PPEF1: variants seen among roughly 807,000 people sequenced by gnomAD.
PPEF1 encodes the protein protein phosphatase with EF-hand domain 1, also known as serine/threonine-protein phosphatase with EF-hands 1.
In PPEF1, 12 loss-of-function variants were observed where a neutral mutation model predicts 53.3. That is an observed-to-expected ratio of 0.23 (90% CI 0.14 to 0.36). The LOEUF (loss-of-function observed/expected upper bound fraction) is 0.36. Among genes scored for constraint, PPEF1 ranks in the 10% least tolerant of loss-of-function variants. The pLI is 1.00. For synonymous variants in PPEF1, 165 were observed against 176.7 expected, an observed-to-expected ratio of 0.93 and a Z score of 0.52; for missense variants, 334 against 490.4, an observed-to-expected ratio of 0.68 and a Z score of 3.01.
chrX:18,748,871 C>A (rs2045381849), intron 3 of PPEF1, among the ~76,000 whole-genome samples: 1 of 112,014 alleles, frequency 8.9e-6, no homozygotes, highest in Non-Finnish European at 1.9e-5. Context: ...GCACTTCCAT[C>A]ACATTCTTTA....
intron 3 of PPEF1, among the ~76,000 whole-genome samples, chrX:18,686,555 G>A (rs1276250840): frequency 9.0e-6 from 1 of 111,222 alleles, no homozygotes; most frequent in African/African-American, 3.3e-5. Flanking sequence ...GAGTGGGCTC[G>A]GATAATTGGC....
At chrX:18,823,524 G>A (rs113628133) in intron 13 of PPEF1, among the ~76,000 whole-genome samples, 3,052 of 109,829 alleles carry the variant, frequency 0.028, 113 homozygotes, top group African/African-American at 0.093. Context: ...ATACTTGGGA[G>A]GCTGAGGCAG....
chrX:18,689,657 C>T (rs1191064226), intron 3 of PPEF1, among the ~76,000 whole-genome samples: 1 of 109,712 alleles, frequency 9.1e-6, no homozygotes, highest in African/African-American at 3.3e-5. Flanking sequence ...GTGATTGGGC[C>T]CGGGAATCTG....
intron 6 of PPEF1, among the ~76,000 whole-genome samples, chrX:18,776,527 G>A (rs1365129215): frequency 9.0e-6 from 1 of 111,643 alleles, no homozygotes; most frequent in Admixed American, 9.5e-5. Flanking sequence ...GTGAGCCATC[G>A]TGCCCAGACT....
At chrX:18,704,745 A>G (rs2044160624), upstream of PPEF1, among the ~76,000 whole-genome samples, 1 of 111,614 alleles carries the variant, frequency 9.0e-6, no homozygotes, top group Admixed American at 9.6e-5. Flanking sequence ...GAATCTGGAA[A>G]ACTGAAAAAA....
intron 4 of PPEF1, among the ~76,000 whole-genome samples, chrX:18,756,379 C>T (rs895376714): frequency 1.8e-5 from 2 of 110,809 alleles, no homozygotes; most frequent in African/African-American, 6.6e-5. Context: ...GGGGTTTCAC[C>T]ATGTTAGCCA....
intron 5 of PPEF1, among the ~76,000 whole-genome samples, chrX:18,760,905 C>T (rs763006075): frequency 2.7e-5 from 3 of 109,612 alleles, no homozygotes; most frequent in Non-Finnish European, 5.7e-5. Flanking sequence ...TCAGCCCCCA[C>T]AAGTAGCTGG....
chrX:18,682,289 C>T (rs1043307338), upstream of PPEF1, among the ~76,000 whole-genome samples: 4 of 112,658 alleles, frequency 3.6e-5, no homozygotes, highest in African/African-American at 1.3e-4. Flanking sequence ...TGGGAGCCCT[C>T]CACGTCTTCA....
Position 18,712,909 on chromosome X carries a change from A to G in PPEF1, c.46+5083A>G, listed in dbSNP as rs2044360225. Among the ~76,000 whole-genome samples, 4 of 112,165 alleles carry G rather than the reference A, an allele frequency of 3.6e-5. No homozygotes were observed. The South Asian group carries it at 1.5e-3, about 41-fold the overall frequency. ...TCCTTTATTTTATGATATGGCATAT[A>G]ATGTTAATTAAATGGCACATTATGT... On this transcript the variant is annotated intron_variant, in intron 1 of 15. Transcript: ENST00000470157.
At chrX:18,732,994 A>C (rs2044873854) in intron 2 of PPEF1, among the ~76,000 whole-genome samples, 1 of 111,951 alleles carries the variant, frequency 8.9e-6, no homozygotes, top group Non-Finnish European at 1.9e-5. Flanking sequence ...ACCTGAGGTC[A>C]GGAGTTTGAG....
intron 3 of PPEF1, among the ~76,000 whole-genome samples, chrX:18,739,912 G>T (rs1201602496): frequency 8.9e-6 from 1 of 112,421 alleles, no homozygotes; most frequent in Non-Finnish European, 1.9e-5. Context: ...GCGAGGCTCC[G>T]TGGGCGTGGG....
chrX:18,790,887 T>C (rs1191319387), intron 10 of PPEF1, among the ~76,000 whole-genome samples: 1 of 109,935 alleles, frequency 9.1e-6, no homozygotes, highest in East Asian at 2.9e-4. Flanking sequence ...ACCAGGCTGG[T>C]CTCAAACTCC....
At chrX:18,684,532 CGAGA>C (rs1928992693) in intron 1 of PPEF1, among the ~76,000 whole-genome samples, 1 of 111,070 alleles carries the variant, frequency 9.0e-6, no homozygotes, top group East Asian at 2.8e-4. Context: ...GATGGCCACT[CGAGA>C]GAGAAACAGA....
chrX:18,739,257 T>C (rs1419184039), intron 3 of PPEF1, among the ~76,000 whole-genome samples: 1 of 112,426 alleles, frequency 8.9e-6, no homozygotes, highest in Non-Finnish European at 1.9e-5. Flanking sequence ...TCTCCGCATC[T>C]TTGTGGTTTT....
chrX:18,685,448 G>A (rs1017766416), intron 2 of PPEF1, among the ~76,000 whole-genome samples: 2 of 111,463 alleles, frequency 1.8e-5, no homozygotes, highest in African/African-American at 6.5e-5. Flanking sequence ...CACTTTGGGA[G>A]GCCGAGGAGG....
At position 18,796,325 on chromosome X, in the gene PPEF1, T is replaced by C. The variant is rs181968193; in HGVS notation, c.1065+7052T>C. On this transcript the variant is annotated intron_variant, in intron 10 of 15. Transcript: ENST00000470157. ...TCTTAGAAAGGACTTTTGAAGACTT[T>C]TCTTCAGGTTTCCTGTTCTGAAAGA... is the stretch of plus-strand genomic sequence containing the variant. Among the ~76,000 whole-genome samples the C allele has an allele frequency of 3.6e-3, 402 of 112,805 alleles. 2 individuals are homozygous for C. The highest frequency in any genetic ancestry group is 0.012 in the African/African-American group (385 of 31,092).
chrX:18,703,264 C>T (rs957270061), upstream of PPEF1, among the ~76,000 whole-genome samples: 2 of 110,608 alleles, frequency 1.8e-5, no homozygotes, highest in African/African-American at 6.6e-5. Context: ...TAACCTATTA[C>T]CTGAGAGAAA....
intron 13 of PPEF1, among the ~76,000 whole-genome samples, chrX:18,822,062 T>C (rs957539303): frequency 2.7e-5 from 3 of 111,295 alleles, no homozygotes; most frequent in African/African-American, 9.8e-5. Context: ...AGCAAGACTC[T>C]CTTTGGGCTG....
intron 1 of PPEF1, among the ~76,000 whole-genome samples, chrX:18,718,114 A>G (rs1330806522): frequency 8.9e-6 from 1 of 112,168 alleles, no homozygotes; most frequent in African/African-American, 3.2e-5. Context: ...CAGACAAAAC[A>G]AAACAAACCC....
Sources: gnomAD v4.1 joint callset for allele counts (sites outside exome capture counted in the v4.1 genomes callset) on GRCh38, gnomAD v4.1.1 for gene constraint, MANE v1.5 for transcripts, NCBI Gene and HGNC (gene_info 2026-07-23, HGNC 2026-07-21) for gene names.